ERCC8: variants seen among roughly 807,000 people sequenced by gnomAD.
ERCC8 encodes DNA excision repair protein ERCC-8.
ERCC8 carries 52 observed loss-of-function variants against 54.9 expected under a neutral mutation model. That is an observed-to-expected ratio of 0.95 (90% CI 0.76 to 1.19). ERCC8 has a LOEUF of 1.19. ERCC8 is among the 50% of genes most tolerant of loss of function. ERCC8 has a pLI of 0.00. For missense variants in ERCC8, 514 were observed against 466.1 expected (o/e 1.10, Z -0.95); for synonymous variants, 146 against 157.2 (o/e 0.93, Z 0.53).
chr5:60,938,080 TATATATTTTA>T (rs1554075762), intron 1 of ERCC8, among the ~76,000 whole-genome samples: 388 of 24,144 alleles, frequency 0.016, 1 homozygote, highest in South Asian at 0.055. Context: ...TATATATATA[TATATATTTTA>T]TTTTTTTTTT....
Position 60,887,606 on chromosome 5 carries a change from G to A in ERCC8, c.1042-86C>T, listed in dbSNP as rs566445140. ...ATTATATCATTTTTGAAATAATTAG[G>A]TCATAATAATTAGATTAATGCTATT... is the stretch of plus-strand genomic sequence containing the variant. On this transcript the variant is annotated intron_variant, in intron 10 of 11. Transcript: ENST00000676185. The A allele has an allele frequency of 1.8e-4, 183 of 991,734 alleles. 1 individual carries two copies. The East Asian group carries it at 3.6e-3, about 20-fold the overall frequency. The allele number at this position is 991,734 out of a possible 1,614,324, so 61.4% of individuals were successfully genotyped here.
At chr5:60,891,662 C>CT (rs35789098) in intron 9 of ERCC8, among the ~76,000 whole-genome samples, 54,024 of 143,488 alleles carry the variant, frequency 0.38, 10,365 homozygotes, top group Middle Eastern at 0.42. Flanking sequence ...GGGGCATATT[C>CT]TTTTTTTTTT....
In ERCC8 at chr5:60,918,273, T is replaced by C; in HGVS notation, c.391A>G (p.Thr131Ala). 6.3e-7 allele frequency: 1 copy of C among 1,596,774 alleles called. No homozygotes were observed. The highest frequency in any genetic ancestry group is 1.1e-5 in the South Asian group (1 of 90,744). The part of the protein sequence containing the change: ...DKTLKVWDTN[T>A]LQTADVFNFE... ...TGTTTTAATGTACTTACTTGTAATG[T>C]ATTTGTATCCCATACTTTCAGAGTT... The change falls in exon 4 of 12, where the codon ACA (threonine) becomes GCA (alanine). Residue 131 changes from threonine (T) to alanine (A), a missense_variant. Coordinates refer to ENST00000676185, the MANE Select transcript of ERCC8 (RefSeq NM_000082.4).
At chr5:60,877,193 T>C (rs1338308411) in intron 11 of ERCC8, among the ~76,000 whole-genome samples, 2 of 152,190 alleles carry the variant, frequency 1.3e-5, no homozygotes, top group Non-Finnish European at 2.9e-5. Flanking sequence ...TGGTTGTAGA[T>C]ATGCAGCATT....
intron 4 of ERCC8, among the ~76,000 whole-genome samples, chr5:60,910,663 T>G (rs1749230978): frequency 6.6e-6 from 1 of 152,210 alleles, no homozygotes; most frequent in African/African-American, 2.4e-5. Flanking sequence ...ATGTTGGTTT[T>G]GAAATTTCAT....
intron 1 of ERCC8, among the ~76,000 whole-genome samples, chr5:60,936,440 A>T (rs955731551): frequency 4.6e-5 from 7 of 152,008 alleles, no homozygotes; most frequent in African/African-American, 1.7e-4. Flanking sequence ...ATGGTCTATC[A>T]ATTTTATTTA....
chr5:60,882,136 C>T (rs541291712), intron 11 of ERCC8, among the ~76,000 whole-genome samples: 5 of 151,200 alleles, frequency 3.3e-5, no homozygotes, highest in Admixed American at 1.3e-4. Flanking sequence ...CCACTGCGCC[C>T]GGCTTAGAAA....
At chr5:60,930,440 C>T (rs1053135385) in intron 1 of ERCC8, among the ~76,000 whole-genome samples, 1 of 152,118 alleles carries the variant, frequency 6.6e-6, no homozygotes, top group African/African-American at 2.4e-5. Flanking sequence ...GCCTGTAATC[C>T]CAGCTACTTG....
At chr5:60,881,924 G>C (rs531334909) in intron 11 of ERCC8, among the ~76,000 whole-genome samples, 24 of 152,348 alleles carry the variant, frequency 1.6e-4, no homozygotes, top group African/African-American at 4.6e-4. Context: ...AGTTGGAAAT[G>C]CATAAATCAC....
chr5:60,944,088 A>G (rs1484352340), intron 1 of ERCC8, among the ~76,000 whole-genome samples: 1 of 152,216 alleles, frequency 6.6e-6, no homozygotes, highest in Non-Finnish European at 1.5e-5. Flanking sequence ...CCTCTCTCAG[A>G]GTATATTACC....
chr5:60,884,068 C>A (rs775054029), intron 11 of ERCC8, among the ~76,000 whole-genome samples: 1 of 152,074 alleles, frequency 6.6e-6, no homozygotes, highest in African/African-American at 2.4e-5. Flanking sequence ...TGAAAGGAAA[C>A]CTAAGAATAA....
rs554533579 is a variant in ERCC8, at chr5:60,896,545, C to T, written c.843+1731G>A. Reference sequence around the variant, plus strand: ...AAAATAAAAAAAAGAAGTTACTAAACGGCAGGACTGGTTCTATCTGATAGC... The same window carrying T: ...AAAATAAAAAAAAGAAGTTACTAAATGGCAGGACTGGTTCTATCTGATAGC... On this transcript the variant is annotated intron_variant, in intron 9 of 11. Transcript: ENST00000676185. 7.2e-5 allele frequency among the ~76,000 whole-genome samples: 11 copies of T among 152,176 alleles called. No individual in the cohort carries two copies. In the East Asian group the frequency reaches 1.5e-3, roughly 21 times the overall value.
At chr5:60,930,126 T>C (rs1580042071) in intron 1 of ERCC8, among the ~76,000 whole-genome samples, 1 of 152,158 alleles carries the variant, frequency 6.6e-6, no homozygotes, top group South Asian at 2.1e-4. Context: ...AGACATTACA[T>C]ATAGTACAAC....
intron 4 of ERCC8, chr5:60,910,067 C>A (rs1281819846): frequency 3.3e-5 from 5 of 151,974 alleles, no homozygotes; most frequent in Admixed American, 6.6e-5. Context: ...TACCAATTAA[C>A]ACTAGGCTAT....
intron 1 of ERCC8, among the ~76,000 whole-genome samples, chr5:60,939,238 G>A (rs1261323100): frequency 6.6e-6 from 1 of 152,194 alleles, no homozygotes; most frequent in East Asian, 1.9e-4. Flanking sequence ...TATATTTCCA[G>A]CTTGTTTATT....
At chr5:60,942,332 C>T (rs996346209) in intron 1 of ERCC8, among the ~76,000 whole-genome samples, 1 of 151,966 alleles carries the variant, frequency 6.6e-6, no homozygotes, top group African/African-American at 2.4e-5. Flanking sequence ...AGCATATGTT[C>T]ATACAATGAC....
intron 11 of ERCC8, among the ~76,000 whole-genome samples, chr5:60,877,348 G>C (rs1353019540): frequency 6.6e-6 from 1 of 152,194 alleles, no homozygotes; most frequent in Admixed American, 6.5e-5. Context: ...GCTTAGGATT[G>C]ACTTGGCAAT....
intron 11 of ERCC8, among the ~76,000 whole-genome samples, chr5:60,880,504 A>G (rs924718555): frequency 1.3e-5 from 2 of 152,204 alleles, no homozygotes; most frequent in South Asian, 2.1e-4. Flanking sequence ...AGGTACACCA[A>G]TCAGATGTAG....
intron 2 of ERCC8, among the ~76,000 whole-genome samples, chr5:60,926,146 C>T (rs901614380): frequency 2.0e-5 from 3 of 152,100 alleles, no homozygotes; most frequent in African/African-American, 7.2e-5. Context: ...AAGAATGGCA[C>T]CCAAACTACA....
Sources: gnomAD v4.1 joint callset for allele counts (sites outside exome capture counted in the v4.1 genomes callset) on GRCh38, gnomAD v4.1.1 for gene constraint, MANE v1.5 for transcripts, NCBI Gene and HGNC (gene_info 2026-07-23, HGNC 2026-07-21) for gene names.